Variants in PLD5 observed in about 807,000 individuals in gnomAD.
PLD5 encodes inactive phospholipase D5.
PLD5 carries 36 observed loss-of-function variants against 61.1 expected under a neutral mutation model. The observed-to-expected ratio is 0.59, with a 90% CI of 0.45 to 0.78. PLD5 has a LOEUF of 0.78. Ranked by LOEUF, PLD5 falls within the 30% of genes least tolerant of loss-of-function variation. The pLI is 0.00. For missense variants in PLD5, 515 were observed against 644.4 expected, an observed-to-expected ratio of 0.80 and a Z score of 2.17; for synonymous variants, 243 against 242.8, an observed-to-expected ratio of 1.00 and a Z score of -0.01.
At chr1:242,325,466 A>G in intron 2 of PLD5, among the ~76,000 whole-genome samples, 1 of 123,342 alleles carries the variant, frequency 8.1e-6, no homozygotes, top group East Asian at 2.7e-4. Flanking sequence ...AGAGGGACAG[A>G]GAGAGTAGGG....
chr1:242,147,182 C>T (rs542977642), intron 5 of PLD5, among the ~76,000 whole-genome samples: 3 of 151,946 alleles, frequency 2.0e-5, no homozygotes, highest in East Asian at 1.9e-4. Context: ...CTCTTCAAAC[C>T]GCAGCCCTTG....
At chr1:242,206,026 C>T (rs890788027) in intron 5 of PLD5, among the ~76,000 whole-genome samples, 7 of 152,148 alleles carry the variant, frequency 4.6e-5, no homozygotes, top group African/African-American at 7.2e-5. Context: ...CTCTCATCGG[C>T]GTCCCATGAA....
chr1:242,192,322 C>T (rs1458677522), intron 5 of PLD5: 1 of 152,240 alleles, frequency 6.6e-6, no homozygotes, highest in Admixed American at 6.5e-5. Context: ...GCAAACCCCT[C>T]CTCTTTTCTC....
chr1:242,092,729 C>A (rs1238546232), intron 9 of PLD5, among the ~76,000 whole-genome samples: 1 of 152,158 alleles, frequency 6.6e-6, no homozygotes, highest in Non-Finnish European at 1.5e-5. Flanking sequence ...GGAGAAGCTG[C>A]TGGAAGAAAG....
At chr1:242,342,610 T>C (rs1291415493) in intron 2 of PLD5, among the ~76,000 whole-genome samples, 1 of 152,156 alleles carries the variant, frequency 6.6e-6, no homozygotes, top group African/African-American at 2.4e-5. Flanking sequence ...GACATGTAGG[T>C]TACTAGCAGA....
At chr1:242,116,481 G>A (rs1269079780) in intron 6 of PLD5, among the ~76,000 whole-genome samples, 1 of 152,146 alleles carries the variant, frequency 6.6e-6, no homozygotes, top group African/African-American at 2.4e-5. Context: ...TATATTATGT[G>A]ATGCTGAGGT....
intron 2 of PLD5, among the ~76,000 whole-genome samples, chr1:242,292,354 G>C (rs565759941): frequency 1.1e-4 from 16 of 152,268 alleles, no homozygotes; most frequent in African/African-American, 3.9e-4. Flanking sequence ...ATTTTGCTTT[G>C]ATATGATATA....
At chr1:242,105,962 G>A (rs1034364598) in intron 8 of PLD5, among the ~76,000 whole-genome samples, 1 of 152,184 alleles carries the variant, frequency 6.6e-6, no homozygotes, top group Non-Finnish European at 1.5e-5. Context: ...TGAGAAACTT[G>A]CATTGCCCAA....
intron 5 of PLD5, among the ~76,000 whole-genome samples, chr1:242,134,343 G>T (rs1663534669): frequency 6.6e-6 from 1 of 152,058 alleles, no homozygotes; most frequent in East Asian, 1.9e-4. Context: ...TTAGCCCTTG[G>T]ATAGGAAGCT....
chr1:242,330,373 T>C (rs1035366928), intron 2 of PLD5, among the ~76,000 whole-genome samples: 9 of 152,174 alleles, frequency 5.9e-5, no homozygotes, highest in African/African-American at 2.2e-4. Context: ...CATTGAGCCT[T>C]TTCACATCAG....
At chr1:242,307,916 A>G (rs955274825) in intron 2 of PLD5, among the ~76,000 whole-genome samples, 85 of 152,026 alleles carry the variant, frequency 5.6e-4, no homozygotes, top group African/African-American at 2.0e-3. Context: ...AAAGTGTTCA[A>G]GGCTCCAGGG....
chr1:242,329,521 G>T (rs12023682), intron 2 of PLD5, among the ~76,000 whole-genome samples: 12,482 of 151,354 alleles, frequency 0.082, 660 homozygotes, highest in East Asian at 0.24. Flanking sequence ...GGTGATCCAC[G>T]GGACACTACC....
chr1:242,114,445 A>G (rs1190987307), intron 6 of PLD5, among the ~76,000 whole-genome samples: 1 of 152,158 alleles, frequency 6.6e-6, no homozygotes, highest in Non-Finnish European at 1.5e-5. Flanking sequence ...CCTTCTAACT[A>G]TTTGAAACTA....
intron 5 of PLD5, among the ~76,000 whole-genome samples, chr1:242,176,295 A>T (rs946611210): frequency 6.6e-6 from 1 of 152,096 alleles, no homozygotes; most frequent in African/African-American, 2.4e-5. Context: ...ATCTACAACC[A>T]CCTGATCTTT....
chr1:242,376,638 A>T (rs1277945224), intron 1 of PLD5, among the ~76,000 whole-genome samples: 10 of 152,216 alleles, frequency 6.6e-5, no homozygotes, highest in Admixed American at 6.5e-4. Context: ...ATTCTAACCC[A>T]AAACAACTCA....
At chr1:242,224,996 C>G (rs188385723) in intron 4 of PLD5, among the ~76,000 whole-genome samples, 1 of 152,172 alleles carries the variant, frequency 6.6e-6, no homozygotes, top group African/African-American at 2.4e-5. Flanking sequence ...TTGGCAACTA[C>G]GCAGCAGGAT....
At chr1:242,389,565 G>C (rs534803578) in intron 1 of PLD5, among the ~76,000 whole-genome samples, 6 of 148,914 alleles carry the variant, frequency 4.0e-5, no homozygotes, top group African/African-American at 7.3e-5. Context: ...AATACTCTGA[G>C]GGGGGGAAAA....
chr1:242,346,816 T>A (rs552054027), intron 2 of PLD5, among the ~76,000 whole-genome samples: 1 of 152,242 alleles, frequency 6.6e-6, no homozygotes, highest in East Asian at 1.9e-4. Context: ...CACCCCTGAC[T>A]CTCCAACAGG....
At chr1:242,337,459 C>T (rs140584989) in intron 2 of PLD5, among the ~76,000 whole-genome samples, 3,903 of 151,920 alleles carry the variant, frequency 0.026, 160 homozygotes, top group African/African-American at 0.089. Context: ...GGTGAAACCC[C>T]GTCTCTACTA....
Sources: gnomAD v4.1 joint callset for allele counts (sites outside exome capture counted in the v4.1 genomes callset) on GRCh38, gnomAD v4.1.1 for gene constraint, MANE v1.5 for transcripts, NCBI Gene and HGNC (gene_info 2026-07-23, HGNC 2026-07-21) for gene names.